Variants in CENPF observed in about 807,000 individuals in gnomAD.
CENPF encodes centromere protein F.
CENPF carries 214 observed loss-of-function variants against 307.3 expected under a neutral mutation model. The ratio of observed to expected loss-of-function variants is 0.70; its 90% CI spans 0.62 to 0.78. The LOEUF is 0.78. Among genes scored for constraint, CENPF ranks in the 30% least tolerant of loss-of-function variants. The pLI, the probability that CENPF is intolerant of heterozygous loss-of-function variation, is 0.00. For synonymous variants in CENPF, 1,259 were observed against 1,270.6 expected (o/e 0.99, Z 0.19); for missense variants, 3,401 against 3,483.9 (o/e 0.98, Z 0.60).
chr1:214,624,299 A>G (rs1479418022), intron 7 of CENPF, among the ~76,000 whole-genome samples: 1 of 152,082 alleles, frequency 6.6e-6, no homozygotes, highest in Non-Finnish European at 1.5e-5. Flanking sequence ...TTCACAAATT[A>G]GAGAGTATTC....
At position 214,640,563 on chromosome 1, in the gene CENPF, T is replaced by C. The variant is rs1456518751; in HGVS notation, c.2225T>C (p.Leu742Pro). The change falls in exon 12 of 20, where the codon CTG becomes CCG. Residue 742 changes from leucine (L) to proline (P), a missense_variant. Coordinates refer to ENST00000366955, the MANE Select transcript of CENPF (RefSeq NM_016343.4). ...GATCTAGAACACAAGCTTCAGTTAC[T>C]GTCAAATGAAATAATGGACAAAGAC... ...VEDLEHKLQLLSNEIMDKDRC... is the reference protein window; with the variant it reads ...VEDLEHKLQLPSNEIMDKDRC... 1 of 1,614,104 alleles carries C rather than the reference T, an allele frequency of 6.2e-7. No individual in the cohort carries two copies. Among genetic ancestry groups the C allele is most frequent in the South Asian group, 1.1e-5 (1 of 91,070 alleles).
At chr1:214,621,966 G>A (rs1258681502) in intron 6 of CENPF, 113 bp from the exon 7 acceptor site, 1 of 820,366 alleles carries the variant, frequency 1.2e-6, no homozygotes, top group Non-Finnish European at 1.9e-6. Flanking sequence ...TGTATTTAGT[G>A]TAAATATTTG....
intron 7 of CENPF, among the ~76,000 whole-genome samples, chr1:214,623,194 G>A (rs1206611170): frequency 6.6e-6 from 1 of 152,222 alleles, no homozygotes; most frequent in Non-Finnish European, 1.5e-5. Flanking sequence ...TTGGGTGACA[G>A]GGTGAGATTC....
chr1:214,655,747 C>T (rs1052630790), intron 17 of CENPF, among the ~76,000 whole-genome samples: 21 of 152,206 alleles, frequency 1.4e-4, no homozygotes, highest in Non-Finnish European at 2.1e-4. Flanking sequence ...GGTGCCACCA[C>T]ACCCGACTAA....
intron 10 of CENPF, among the ~76,000 whole-genome samples, chr1:214,635,214 T>G (rs914045653): frequency 6.6e-6 from 1 of 152,196 alleles, no homozygotes; most frequent in Non-Finnish European, 1.5e-5. Flanking sequence ...ACACATTCTT[T>G]GCATCCATCC....
At chr1:214,625,631 G>A (rs910154190) in intron 7 of CENPF, among the ~76,000 whole-genome samples, 3 of 151,816 alleles carry the variant, frequency 2.0e-5, no homozygotes, top group Admixed American at 6.6e-5. Context: ...ATTTCTTTCT[G>A]CTTTTTCATT....
chr1:214,626,670 A>G (rs1417413386), intron 7 of CENPF, among the ~76,000 whole-genome samples: 1 of 152,178 alleles, frequency 6.6e-6, no homozygotes, highest in African/African-American at 2.4e-5. Context: ...TGAACTTCTG[A>G]GCCCCAGTTG....
At position 214,629,037 on chromosome 1, in the gene CENPF, C is replaced by T; in HGVS notation, c.1069-9C>T. The stretch of plus-strand genomic sequence containing the variant: ...TTATTTTGTCTTGAACATTTTTATT[C>T]ATTATTAGTATACTGCATTGGAACA... On this transcript the variant is annotated splice_polypyrimidine_tract_variant and intron_variant, in intron 7 of 19. Coordinates refer to ENST00000366955, the MANE Select transcript of CENPF (RefSeq NM_016343.4). 1.3e-6 allele frequency: 2 copies of T among 1,553,056 alleles called. No homozygotes were observed. Among genetic ancestry groups the T allele is most frequent in the Non-Finnish European group, 1.7e-6 (2 of 1,151,090 alleles).
intron 9 of CENPF, 30 bp downstream of exon 9, chr1:214,630,692 A>G: frequency 6.2e-7 from 1 of 1,610,512 alleles, no homozygotes; most frequent in Non-Finnish European, 8.5e-7. Flanking sequence ...CTCTCTCCTT[A>G]ATCATCCCCT....
Position 214,646,222 on chromosome 1 carries a change from C to G in CENPF, c.6652C>G (p.Gln2218Glu). Residue 2218 changes from glutamine (Q) to glutamate (E), a missense_variant, in exon 13 of 20, where the codon CAA (glutamine) becomes GAA (glutamate). Transcript: ENST00000366955. The part of the protein sequence containing the change: ...LRSEKENLTK[Q>E]IQEKQGQLSE... The stretch of plus-strand genomic sequence containing the variant: ...GTCTGAAAAAGAAAATCTGACAAAA[C>G]AAATACAAGAAAAACAAGGTCAGTT... The G allele has an allele frequency of 6.2e-7, 1 of 1,613,218 alleles. No homozygotes were observed. The highest frequency in any genetic ancestry group is 8.5e-7 in the Non-Finnish European group (1 of 1,179,856).
chr1:214,605,818 C>T (rs1657010652), intron 1 of CENPF: 5 of 1,592,694 alleles, frequency 3.1e-6, no homozygotes, highest in Admixed American at 1.7e-5. Flanking sequence ...AGAGCGCCAG[C>T]CCGTGCGAGA....
At chr1:214,637,396 C>A (rs1241744452) in intron 10 of CENPF, among the ~76,000 whole-genome samples, 2 of 151,916 alleles carry the variant, frequency 1.3e-5, no homozygotes, top group African/African-American at 4.8e-5. Flanking sequence ...TAATTTTTCC[C>A]ACAGAATCAT....
In CENPF at chr1:214,646,562, C is replaced by T; in HGVS notation, c.6992C>T (p.Ala2331Val). The T allele has an allele frequency of 6.2e-7, 1 of 1,614,078 alleles. No individual in the cohort carries two copies. The highest frequency in any genetic ancestry group is 8.5e-7 in the Non-Finnish European group (1 of 1,180,002). ...CAACTGAAGGAAAGTGAGCATCATGCAGATTTACTTAAGGGTAGAGTGGAG... is the reference window on the plus strand; with the variant it reads ...CAACTGAAGGAAAGTGAGCATCATGTAGATTTACTTAAGGGTAGAGTGGAG... The part of the protein sequence containing the change: ...LQQLKESEHH[A>V]DLLKGRVENL... The change falls in exon 13 of 20, where the codon GCA (alanine) becomes GTA (valine). Residue 2331 changes from alanine to valine, a missense_variant. Coordinates refer to ENST00000366955, the MANE Select transcript of CENPF (RefSeq NM_016343.4).
In CENPF at chr1:214,642,497, A is replaced by G; in HGVS notation, c.4159A>G (p.Ser1387Gly). Residue 1387 changes from serine to glycine, a missense_variant, in exon 12 of 20, where the codon AGT becomes GGT. Physicochemically the swap from Ser to Gly is moderately conservative, Grantham distance 56 (BLOSUM62 0). Transcript: ENST00000366955. The part of the protein sequence containing the change: ...HPVSLAPLDE[S>G]NSYEHLTLSD... ...TGTGTCTTTGGCTCCATTGGACGAG[A>G]GTAATTCCTACGAGCACTTGACATT... is the stretch of plus-strand genomic sequence containing the variant. The G allele has an allele frequency of 6.2e-7, 1 of 1,610,928 alleles. No individual in the cohort carries two copies.
In CENPF at chr1:214,657,198, T is replaced by C; in HGVS notation, c.8751T>C (p.Thr2917=). Residue 2917 remains threonine, a synonymous_variant, in exon 18 of 20, where the codon ACT becomes ACC. Transcript: ENST00000366955. ...GACCATCTCCAATCCCTTCTGTTAC[T>C]GAAAAGAGGTTATCATCTGGCCAAA... is the stretch of plus-strand genomic sequence containing the variant. The part of the protein sequence containing the change: ...VPGPSPIPSV[T]EKRLSSGQNK... The C allele has an allele frequency of 2.5e-6, 4 of 1,614,146 alleles. No homozygotes were observed. The highest frequency in any genetic ancestry group is 3.4e-6 in the Non-Finnish European group (4 of 1,180,034).
At position 214,629,047 on chromosome 1, in the gene CENPF, A is replaced by G. The variant is rs138247858; in HGVS notation, c.1070A>G (p.Tyr357Cys). The G allele has an allele frequency of 7.6e-4, 1,218 of 1,599,368 alleles. 1 individual carries two copies. Among genetic ancestry groups the G allele is most frequent in the Non-Finnish European group, 1.0e-3 (1,169 of 1,172,638 alleles). ...TAQYDQASTK[Y>C]TALEQKLKKL... is the part of the protein sequence containing the mutation. ...TTGAACATTTTTATTCATTATTAGT[A>G]TACTGCATTGGAACAAAAACTGAAA... Residue 357 changes from tyrosine to cysteine, a missense_variant and splice_region_variant, in exon 8 of 20, where the codon TAT (tyrosine) becomes TGT (cysteine). Tyr to Cys is a radical substitution (Grantham distance 194). Coordinates refer to ENST00000366955, the MANE Select transcript of CENPF (RefSeq NM_016343.4).
chr1:214,645,518 A>C lies in CENPF; in HGVS notation c.5948A>C (p.Lys1983Thr), dbSNP rs763927606. Reference sequence around the variant, plus strand: ...ACGGCACTGGATCAGTTGTCTGAAAAAATGAAGGAGAAAACACAAGAGCTT... The same window carrying C: ...ACGGCACTGGATCAGTTGTCTGAAACAATGAAGGAGAAAACACAAGAGCTT... Reference protein sequence around the residue: ...KTTALDQLSEKMKEKTQELES... With the variant: ...KTTALDQLSETMKEKTQELES... Residue 1983 changes from lysine (K) to threonine (T), a missense_variant, in exon 13 of 20, where the codon AAA becomes ACA. Lys to Thr is a moderately conservative substitution (Grantham distance 78, BLOSUM62 -1). Transcript: ENST00000366955. 3.1e-6 allele frequency: 5 copies of C among 1,614,022 alleles called. No individual in the cohort carries two copies. The African/African-American group carries it at 6.7e-5, about 22-fold the overall frequency.
rs1366372069 is a variant in CENPF, at chr1:214,619,160, T to A, written c.513T>A (p.Tyr171Ter). Residue 171 changes from tyrosine (Y) to a stop codon, truncating the protein, a stop_gained, in exon 5 of 20, where the codon TAT (tyrosine) becomes TAA (stop). Coordinates refer to ENST00000366955, the MANE Select transcript of CENPF (RefSeq NM_016343.4). LOFTEE classifies it high-confidence loss of function. Reference sequence around the variant, plus strand: ...AGTATGAAGATCTAAAAGAAAAATATAATAAAGAGGTTGAAGAACGAAAAA... The same window carrying A: ...AGTATGAAGATCTAAAAGAAAAATAAAATAAAGAGGTTGAAGAACGAAAAA... ...GSKYEDLKEK[Y>*]NKEVEERKRL... 1.9e-6 allele frequency: 3 copies of A among 1,576,980 alleles called. No individual in the cohort carries two copies. The highest frequency in any genetic ancestry group is 8.7e-7 in the Non-Finnish European group (1 of 1,151,640).
At chr1:214,620,976 C>A in intron 6 of CENPF, 30 bp downstream of exon 6, 1 of 1,561,596 alleles carries the variant, frequency 6.4e-7, no homozygotes, top group South Asian at 1.2e-5. Context: ...AGTTTAAATT[C>A]ACTTTGCTTG....
Sources: allele counts gnomAD v4.1 joint callset (sites outside exome capture counted in the v4.1 genomes callset), GRCh38; gene constraint gnomAD v4.1.1; transcripts MANE v1.5; gene names NCBI Gene and HGNC (gene_info 2026-07-23, HGNC 2026-07-21).